Variants in MRTFB observed in about 807,000 individuals in gnomAD.
MRTFB encodes the protein myocardin related transcription factor B.
A neutral mutation model predicts 104.2 loss-of-function variants in MRTFB; 29 were observed. The observed-to-expected ratio is 0.28, with a 90% CI of 0.21 to 0.38. The LOEUF is 0.38. MRTFB is among the 10% of genes least tolerant of loss of function. The pLI is 1.00. For missense variants in MRTFB, 1,270 were observed against 1,341.6 expected (o/e 0.95, Z 0.83); for synonymous variants, 535 against 519.5 (o/e 1.03, Z -0.41).
Position 14,255,272 on chromosome 16 carries a change from A to G in MRTFB, c.2703+2770A>G, listed in dbSNP as rs935385171. Among the ~76,000 whole-genome samples the G allele has an allele frequency of 1.3e-5, 2 of 152,262 alleles. 1 individual carries two copies. The highest frequency in any genetic ancestry group is 2.9e-5 in the Non-Finnish European group (2 of 68,050). ...AATGGCTGACATGTTCACAAATAGG[A>G]TGAAAGACAAATTTATAGCTTTGAG... On this transcript the variant is annotated intron_variant, in intron 15 of 16. Transcript: ENST00000571589.
At chr16:14,023,489 T>C in the MRTFB span, among the ~76,000 whole-genome samples, 1 of 151,816 alleles carries the variant, frequency 6.6e-6, no homozygotes, top group African/African-American at 2.4e-5. Flanking sequence ...CTCTATTTAT[T>C]ATGTGACCCT....
At chr16:14,030,003 G>C in the MRTFB span, among the ~76,000 whole-genome samples, 11 of 152,004 alleles carry the variant, frequency 7.2e-5, no homozygotes, top group South Asian at 1.7e-3. Flanking sequence ...GCATGGGGAG[G>C]GGGGAGGGGA....
chr16:14,140,825 A>T, intron 3 of MRTFB, 65 bp downstream of exon 3: 1 of 1,594,472 alleles, frequency 6.3e-7, no homozygotes, highest in Non-Finnish European at 8.6e-7. Flanking sequence ...AGCCCAGTTT[A>T]TTCCTGTTTG....
chr16:14,122,572 A>G (rs1451100058), intron 2 of MRTFB, among the ~76,000 whole-genome samples: 1 of 152,090 alleles, frequency 6.6e-6, no homozygotes, highest in African/African-American at 2.4e-5. Context: ...GCTGAGAGTG[A>G]TGGTGTCCAG....
chr16:14,101,595 A>G (rs1427929419), intron 2 of MRTFB, among the ~76,000 whole-genome samples: 1 of 152,162 alleles, frequency 6.6e-6, no homozygotes, highest in Admixed American at 6.5e-5. Flanking sequence ...TCTACTTTCA[A>G]TTTCTATTAA....
rs746326647 is a variant in MRTFB at position 14,245,636 on chromosome 16, G to A, written c.1188G>A (p.Leu396=). The change falls in exon 11 of 17, where the codon CTG becomes CTA. Residue 396 remains leucine, a synonymous_variant. Coordinates refer to ENST00000571589, the MANE Select transcript of MRTFB (RefSeq NM_001308142.2). ...CTCCTGTGAGAAAGCCAGGACCTCT[G>A]CCTTCTAGCCTGGATGACTTAAAGG... is the stretch of plus-strand genomic sequence containing the variant. The part of the protein sequence containing the change: ...TSTPVRKPGP[L]PSSLDDLKVS... 2 of 1,613,530 alleles carry A rather than the reference G, an allele frequency of 1.2e-6. No homozygotes were observed. Among genetic ancestry groups the A allele is most frequent in the African/African-American group, 2.7e-5 (2 of 74,996 alleles).
intron 6 of MRTFB, among the ~76,000 whole-genome samples, chr16:14,214,333 G>T (rs778488770): frequency 6.6e-6 from 1 of 152,154 alleles, no homozygotes; most frequent in African/African-American, 2.4e-5. Context: ...AGTCTTGGGT[G>T]TGTTAAGTAT....
chr16:14,113,983 T>C (rs2142196081), intron 2 of MRTFB, among the ~76,000 whole-genome samples: 1 of 152,348 alleles, frequency 6.6e-6, no homozygotes, highest in South Asian at 2.1e-4. Flanking sequence ...GTCTGTTAAC[T>C]CTGACATGGG....
At chr16:14,220,504 A>G (rs2041643984) in intron 8 of MRTFB, among the ~76,000 whole-genome samples, 1 of 152,200 alleles carries the variant, frequency 6.6e-6, no homozygotes, top group South Asian at 2.1e-4. Context: ...TTTTATTTCC[A>G]TACTCTTAAA....
At chr16:14,075,671 T>A (rs954409440) in intron 1 of MRTFB, among the ~76,000 whole-genome samples, 1 of 152,222 alleles carries the variant, frequency 6.6e-6, no homozygotes, top group African/African-American at 2.4e-5. Flanking sequence ...CCTTCTCTTC[T>A]CACCTTTTTC....
chr16:14,203,677 A>G (rs932182121), intron 3 of MRTFB, among the ~76,000 whole-genome samples: 4 of 151,868 alleles, frequency 2.6e-5, no homozygotes, highest in African/African-American at 9.7e-5. Context: ...GTGGTACACA[A>G]CTTGTAATCC....
At chr16:14,061,140 C>T in the MRTFB span, among the ~76,000 whole-genome samples, 5 of 151,064 alleles carry the variant, frequency 3.3e-5, no homozygotes, top group Admixed American at 1.3e-4. Flanking sequence ...CGCAAGACTC[C>T]GTCTCAAAAA....
At chr16:14,254,221 C>T (rs2043380447) in intron 15 of MRTFB, among the ~76,000 whole-genome samples, 1 of 152,212 alleles carries the variant, frequency 6.6e-6, no homozygotes, top group Admixed American at 6.5e-5. Flanking sequence ...TACATTTACT[C>T]AGACTTGCAA....
intron 3 of MRTFB, chr16:14,191,812 G>A (rs1244641343): frequency 6.6e-6 from 1 of 151,964 alleles, no homozygotes; most frequent in Non-Finnish European, 1.5e-5. Context: ...TGATTGCTGG[G>A]TCATTACTAG....
At chr16:14,147,437 C>G (rs577313670) in intron 3 of MRTFB, among the ~76,000 whole-genome samples, 1 of 152,242 alleles carries the variant, frequency 6.6e-6, no homozygotes, top group South Asian at 2.1e-4. Flanking sequence ...ATGATGTCTC[C>G]TATTAGTATG....
chr16:14,138,975 A>G (rs560217762), intron 2 of MRTFB, among the ~76,000 whole-genome samples: 2 of 152,346 alleles, frequency 1.3e-5, no homozygotes, highest in East Asian at 3.9e-4. Context: ...AACTAGATCT[A>G]GAAGAAAACA....
intron 2 of MRTFB, among the ~76,000 whole-genome samples, chr16:14,125,609 A>T (rs1263802122): frequency 1.3e-5 from 2 of 152,288 alleles, no homozygotes; most frequent in African/African-American, 4.8e-5. Context: ...TTGTAAACAT[A>T]TTGTTTCCAC....
intron 1 of MRTFB, among the ~76,000 whole-genome samples, chr16:14,073,240 G>T (rs534561760): frequency 6.6e-6 from 1 of 152,126 alleles, no homozygotes; most frequent in Non-Finnish European, 1.5e-5. Flanking sequence ...CTCGTACCAG[G>T]CGAATCTTCA....
At chr16:14,219,108 T>G in intron 8 of MRTFB, 110 bp downstream of exon 8, 1 of 1,166,416 alleles carries the variant, frequency 8.6e-7, no homozygotes, top group Non-Finnish European at 1.1e-6. Context: ...GAATTTAAAT[T>G]GATTTATTAA....
Sources: gnomAD v4.1 joint callset for allele counts (sites outside exome capture counted in the v4.1 genomes callset) on GRCh38, gnomAD v4.1.1 for gene constraint, MANE v1.5 for transcripts, NCBI Gene and HGNC (gene_info 2026-07-23, HGNC 2026-07-21) for gene names.